Variants in DEK observed in about 807,000 individuals in gnomAD.
DEK encodes the protein DEK proto-oncogene.
DEK carries 28 observed loss-of-function variants against 46.8 expected under a neutral mutation model. The observed-to-expected ratio is 0.60, with a 90% CI of 0.44 to 0.82. DEK has a LOEUF of 0.82. Ranked by LOEUF, DEK falls within the 40% of genes least tolerant of loss-of-function variation. The probability of loss-of-function intolerance (pLI) is 0.00; values close to 1 mark genes in which losing one functional copy is unlikely to be tolerated. For missense variants in DEK, 416 were observed against 430.6 expected, an observed-to-expected ratio of 0.97 and a Z score of 0.30; for synonymous variants, 160 against 144.5, an observed-to-expected ratio of 1.11 and a Z score of -0.77.
chr6:18,257,173 C>G (rs1240114919), intron 4 of DEK, among the ~76,000 whole-genome samples: 1 of 152,112 alleles, frequency 6.6e-6, no homozygotes, highest in Non-Finnish European at 1.5e-5. Context: ...TACAATTACA[C>G]CAAATTCACT....
intron 1 of DEK, 152 bp from the exon 2 acceptor site, chr6:18,264,148 G>T: frequency 1.6e-6 from 1 of 613,268 alleles, no homozygotes; most frequent in Non-Finnish European, 2.5e-6. Flanking sequence ...CAGTCCCCAG[G>T]GGCGGCTTCC....
intron 5 of DEK, among the ~76,000 whole-genome samples, chr6:18,256,123 G>A (rs1791584262): frequency 6.6e-6 from 1 of 152,036 alleles, no homozygotes; most frequent in Non-Finnish European, 1.5e-5. Flanking sequence ...AAGTAGCTGG[G>A]ATTACAGGCA....
At chr6:18,252,224 T>C (rs1181219536) in intron 6 of DEK, among the ~76,000 whole-genome samples, 1 of 152,050 alleles carries the variant, frequency 6.6e-6, no homozygotes, top group Admixed American at 6.6e-5. Context: ...AGAAAATAGC[T>C]CTAGGCCAGA....
In DEK at chr6:18,259,426, A is replaced by AT. The variant is rs1354090354; in HGVS notation, c.146-1022_146-1021insA. Among the ~76,000 whole-genome samples, 1,093 of 127,026 alleles carry AT rather than the reference A, an allele frequency of 8.6e-3. 28 individuals carry two copies. Among genetic ancestry groups the AT allele is most frequent in the Non-Finnish European group, 0.015 (838 of 56,970 alleles). The allele number at this position is 127,026 out of a possible 152,430, so 83.3% of individuals were successfully genotyped here. On this transcript the variant is annotated intron_variant, in intron 2 of 10. Transcript: ENST00000652689. ...AAAAAAAAAAAAAAAAAAAAAAAAA[A>AT]AAAAAAATCTAGAAAACAGGTAGCA...
intron 7 of DEK, among the ~76,000 whole-genome samples, chr6:18,237,798 GA>G (rs1309624085): frequency 6.6e-6 from 1 of 151,070 alleles, no homozygotes; most frequent in East Asian, 1.9e-4. Context: ...TCTTGGGGGG[GA>G]CCCCTAAATA....
At chr6:18,245,169 C>T (rs1007046338) in intron 7 of DEK, among the ~76,000 whole-genome samples, 2 of 152,180 alleles carry the variant, frequency 1.3e-5, no homozygotes, top group African/African-American at 4.8e-5. Flanking sequence ...GGGAAAAAAG[C>T]CAAAACATCA....
intron 9 of DEK, among the ~76,000 whole-genome samples, chr6:18,231,531 G>GAT (rs905074315): frequency 6.6e-6 from 1 of 152,130 alleles, no homozygotes; most frequent in Non-Finnish European, 1.5e-5. Flanking sequence ...TGATAAAGGG[G>GAT]ATATCACCAC....
At chr6:18,259,138 G>A (rs1212203593) in intron 2 of DEK, among the ~76,000 whole-genome samples, 2 of 151,798 alleles carry the variant, frequency 1.3e-5, no homozygotes, top group Admixed American at 6.6e-5. Flanking sequence ...AGACCATCCC[G>A]GCTAACTCGG....
At chr6:18,262,115 C>CT (rs1791900863) in intron 2 of DEK, among the ~76,000 whole-genome samples, 1 of 152,032 alleles carries the variant, frequency 6.6e-6, no homozygotes, top group Admixed American at 6.6e-5. Context: ...AACTTGCTCC[C>CT]ACTCCCAAAT....
rs1790083731 is a variant in DEK at position 18,225,663 on chromosome 6, G to T, written c.*56C>A. 8 of 1,581,118 alleles carry T rather than the reference G, an allele frequency of 5.1e-6. No individual in the cohort carries two copies. The highest frequency in any genetic ancestry group is 1.7e-4 in the Middle Eastern group (1 of 5,920). On this transcript the variant is annotated 3_prime_UTR_variant, in exon 11 of 11. Transcript: ENST00000652689. ...AATACATTCTCTTTGCTGGTATAAT[G>T]GTATAAATCAGATCTTCAAATCTAT... is the stretch of plus-strand genomic sequence containing the variant.
At chr6:18,228,374 T>C (rs1790229186) in intron 9 of DEK, among the ~76,000 whole-genome samples, 1 of 152,008 alleles carries the variant, frequency 6.6e-6, no homozygotes, top group African/African-American at 2.4e-5. Flanking sequence ...TTTAAATTAC[T>C]CTAATTGTTT....
chr6:18,225,773 C>CCATTTTTTCCACAT, intron 10 of DEK, 43 bp from the exon 11 acceptor site: 2 of 1,607,916 alleles, frequency 1.2e-6, no homozygotes, highest in Non-Finnish European at 1.7e-6. Context: ...AATCATAAAC[C>CCATTTTTTCCACAT]TTTATCCCAT....
At chr6:18,242,337 G>A (rs1184662409) in intron 7 of DEK, among the ~76,000 whole-genome samples, 1 of 152,172 alleles carries the variant, frequency 6.6e-6, no homozygotes. Flanking sequence ...ACCCCAGCCT[G>A]GGCAACAAAG....
chr6:18,228,520 G>A (rs1790238939), intron 9 of DEK, among the ~76,000 whole-genome samples: 2 of 151,980 alleles, frequency 1.3e-5, no homozygotes, highest in Non-Finnish European at 2.9e-5. Context: ...TTGTCGGACG[G>A]TGGGTACAGG....
Position 18,225,677 on chromosome 6 carries a change from C to G in DEK, c.*42G>C, listed in dbSNP as rs769355298. 4 of 1,605,642 alleles carry G rather than the reference C, an allele frequency of 2.5e-6. No homozygotes were observed. Among genetic ancestry groups the G allele is most frequent in the Non-Finnish European group, 3.4e-6 (4 of 1,174,626 alleles). On this transcript the variant is annotated 3_prime_UTR_variant, in exon 11 of 11. Coordinates refer to ENST00000652689, the MANE Select transcript of DEK (RefSeq NM_003472.4). ...GCTGGTATAATGGTATAAATCAGATCTTCAAATCTATGGGAACGAGTCATC... is the reference window on the plus strand; with the variant it reads ...GCTGGTATAATGGTATAAATCAGATGTTCAAATCTATGGGAACGAGTCATC...
chr6:18,246,602 C>A (rs527785208), intron 7 of DEK, among the ~76,000 whole-genome samples: 4 of 152,294 alleles, frequency 2.6e-5, no homozygotes, highest in African/African-American at 9.6e-5. Flanking sequence ...CATCTTAACA[C>A]TGAATTTACT....
intron 9 of DEK, among the ~76,000 whole-genome samples, chr6:18,235,234 CATTT>C (rs1308162377): frequency 6.6e-6 from 1 of 152,350 alleles, no homozygotes; most frequent in East Asian, 1.9e-4. Context: ...CTGAATTCCT[CATTT>C]ATTTCAGGAA....
At chr6:18,229,557 T>C (rs957136610) in intron 9 of DEK, among the ~76,000 whole-genome samples, 3 of 152,144 alleles carry the variant, frequency 2.0e-5, no homozygotes, top group African/African-American at 7.2e-5. Flanking sequence ...CTGAAAACCA[T>C]GGCACGAGAA....
At chr6:18,226,316 G>T in intron 9 of DEK, 74 bp from the exon 10 acceptor site, 1 of 1,217,688 alleles carries the variant, frequency 8.2e-7, no homozygotes, top group Non-Finnish European at 1.1e-6. Context: ...TTGAATAAAA[G>T]CAGGAAATCT....
Sources: allele counts gnomAD v4.1 joint callset (sites outside exome capture counted in the v4.1 genomes callset), GRCh38; gene constraint gnomAD v4.1.1; transcripts MANE v1.5; gene names NCBI Gene and HGNC (gene_info 2026-07-23, HGNC 2026-07-21).